KLHL14: variants seen among roughly 807,000 people sequenced by gnomAD.
The protein encoded by KLHL14 is kelch-like protein 14.
KLHL14 carries 22 observed loss-of-function variants against 64.3 expected under a neutral mutation model. That is an observed-to-expected ratio of 0.34 (90% CI 0.24 to 0.49). The LOEUF (loss-of-function observed/expected upper bound fraction) is 0.49, where lower values mean the gene tolerates loss of function less well. Among genes scored for constraint, KLHL14 ranks in the 20% least tolerant of loss-of-function variants. KLHL14 has a pLI of 0.99. For synonymous variants in KLHL14, 322 were observed against 333.4 expected (o/e 0.97, Z 0.37); for missense variants, 661 against 789.0 (o/e 0.84, Z 1.94).
intron 2 of KLHL14, among the ~76,000 whole-genome samples, chr18:32,751,034 T>C (rs1208201889): frequency 6.6e-6 from 1 of 152,146 alleles, no homozygotes; most frequent in Non-Finnish European, 1.5e-5. Flanking sequence ...ATAAAAGAGC[T>C]TGTGAGTCCA....
intron 5 of KLHL14, among the ~76,000 whole-genome samples, chr18:32,685,048 A>C (rs184591072): frequency 5.3e-5 from 8 of 152,270 alleles, no homozygotes; most frequent in Non-Finnish European, 1.0e-4. Context: ...AATCTAAAAA[A>C]AAAACTTCTT....
chr18:32,736,013 T>C (rs1267199782), intron 3 of KLHL14, among the ~76,000 whole-genome samples: 1 of 152,208 alleles, frequency 6.6e-6, no homozygotes, highest in Non-Finnish European at 1.5e-5. Context: ...GCATGACTCA[T>C]ACCTCCTTCA....
Position 32,677,163 on chromosome 18 carries a change from G to A in KLHL14, c.1746+10C>T, listed in dbSNP as rs375157084. ...AAATAAAGGAGGATGCAGTAAATGT[G>A]GACACATACCATACTCCAGCTGTAG... is the stretch of plus-strand genomic sequence containing the variant. On this transcript the variant is annotated intron_variant, in intron 8 of 8. Transcript: ENST00000359358. 377 of 1,607,486 alleles carry A rather than the reference G, an allele frequency of 2.3e-4. No individual in the cohort carries two copies. The highest frequency in any genetic ancestry group is 3.0e-4 in the Non-Finnish European group (359 of 1,177,448).
chr18:32,733,276 G>C (rs1378785336), intron 3 of KLHL14, among the ~76,000 whole-genome samples: 1 of 151,904 alleles, frequency 6.6e-6, no homozygotes, highest in Non-Finnish European at 1.5e-5. Flanking sequence ...TCAGAGAAAA[G>C]AGTAAAAAGG....
At chr18:32,689,848 G>A (rs149801315) in intron 4 of KLHL14, among the ~76,000 whole-genome samples, 5 of 152,264 alleles carry the variant, frequency 3.3e-5, no homozygotes, top group Admixed American at 1.3e-4. Flanking sequence ...AAAAAGGAAG[G>A]CCATCAACTG....
intron 3 of KLHL14, chr18:32,738,429 A>T (rs2050177624): frequency 6.6e-6 from 1 of 152,080 alleles, no homozygotes; most frequent in Non-Finnish European, 1.5e-5. Context: ...CAGTACTGAG[A>T]AATAAAGATG....
At chr18:32,757,929 G>T (rs1192677903) in intron 2 of KLHL14, among the ~76,000 whole-genome samples, 1 of 152,106 alleles carries the variant, frequency 6.6e-6, no homozygotes, top group Non-Finnish European at 1.5e-5. Flanking sequence ...TTTTCATTTT[G>T]CAAATAGTAT....
At chr18:32,710,086 A>T (rs1009401337) in intron 3 of KLHL14, among the ~76,000 whole-genome samples, 1 of 152,184 alleles carries the variant, frequency 6.6e-6, no homozygotes, top group Non-Finnish European at 1.5e-5. Flanking sequence ...TAAAATGTTG[A>T]TTATAATATC....
rs116618336 is a variant in KLHL14 at position 32,686,281 on chromosome 18, G to A, written c.1238+874C>T. On this transcript the variant is annotated intron_variant, in intron 5 of 8. Coordinates refer to ENST00000359358, the MANE Select transcript of KLHL14 (RefSeq NM_020805.3). The stretch of plus-strand genomic sequence containing the variant: ...CCTGGCTTCGTGATCCACCCACCTC[G>A]GCCTCCCAAAGTGCATGCTGAAGAG... 3.9e-3 allele frequency among the ~76,000 whole-genome samples: 573 copies of A among 148,256 alleles called. 5 individuals are homozygous for A. Among genetic ancestry groups the A allele is most frequent in the African/African-American group, 0.014 (549 of 40,148 alleles).
intron 4 of KLHL14, among the ~76,000 whole-genome samples, chr18:32,694,988 G>A (rs992303869): frequency 3.9e-5 from 6 of 152,156 alleles, no homozygotes; most frequent in Non-Finnish European, 8.8e-5. Flanking sequence ...TACAGCAACT[G>A]GAATGGATGT....
intron 3 of KLHL14, among the ~76,000 whole-genome samples, chr18:32,736,560 C>T (rs962513228): frequency 1.2e-4 from 18 of 152,040 alleles, no homozygotes; most frequent in African/African-American, 4.3e-4. Flanking sequence ...GGTATCCCTA[C>T]TTGCAATTCT....
intron 2 of KLHL14, among the ~76,000 whole-genome samples, chr18:32,751,230 AC>A: frequency 6.6e-6 from 1 of 151,922 alleles, no homozygotes; most frequent in Non-Finnish European, 1.5e-5. Context: ...GAGAGCTGCT[AC>A]CCTTCTCTTA....
intron 2 of KLHL14, among the ~76,000 whole-genome samples, chr18:32,768,172 G>T (rs552136541): frequency 4.0e-4 from 61 of 152,090 alleles, no homozygotes; most frequent in Non-Finnish European, 6.6e-4. Context: ...TTGGATTCTT[G>T]TTTCTTCTAT....
chr18:32,675,913 C>T (rs901148162), intron 8 of KLHL14, among the ~76,000 whole-genome samples: 1 of 152,110 alleles, frequency 6.6e-6, no homozygotes, highest in Non-Finnish European at 1.5e-5. Flanking sequence ...AACTTTATGT[C>T]ACAATCTTGT....
intron 3 of KLHL14, among the ~76,000 whole-genome samples, chr18:32,717,579 G>T (rs1217203661): frequency 6.6e-6 from 1 of 152,136 alleles, no homozygotes; most frequent in Non-Finnish European, 1.5e-5. Context: ...TCTTGGAGTT[G>T]GGTATTTTGT....
intron 1 of KLHL14, chr18:32,771,190 CG>C (rs1282014368): frequency 5.7e-6 from 1 of 174,624 alleles, no homozygotes; most frequent in East Asian, 1.9e-4. Context: ...GACCAGCGTG[CG>C]GGGTGTGCGA....
chr18:32,728,101 C>G (rs1005651305), intron 3 of KLHL14, among the ~76,000 whole-genome samples: 5 of 152,170 alleles, frequency 3.3e-5, no homozygotes, highest in African/African-American at 1.2e-4. Flanking sequence ...GAAGGTTCAA[C>G]AAATATGCAT....
At chr18:32,741,295 C>T (rs117079847) in intron 3 of KLHL14, among the ~76,000 whole-genome samples, 1 of 152,318 alleles carries the variant, frequency 6.6e-6, no homozygotes, top group East Asian at 1.9e-4. Context: ...AGTTCCAAAT[C>T]TCAGTGCCCA....
chr18:32,748,584 G>A (rs954717682), intron 2 of KLHL14, among the ~76,000 whole-genome samples: 4 of 151,470 alleles, frequency 2.6e-5, no homozygotes, highest in African/African-American at 4.8e-5. Context: ...TCCATCTCCT[G>A]GCCTGGTGAT....
Sources: gnomAD v4.1 joint callset for allele counts (sites outside exome capture counted in the v4.1 genomes callset) on GRCh38, gnomAD v4.1.1 for gene constraint, MANE v1.5 for transcripts, NCBI Gene and HGNC (gene_info 2026-07-23, HGNC 2026-07-21) for gene names.